Variants in TTN observed in about 807,000 individuals in gnomAD.
TTN encodes titin.
TTN carries 1,525 observed loss-of-function variants against 3,223.0 expected under a neutral mutation model. That is an observed-to-expected ratio of 0.47 (90% confidence interval 0.45 to 0.49). TTN has a LOEUF of 0.49. TTN is among the 20% of genes least tolerant of loss of function. The probability of loss-of-function intolerance (pLI) is 0.00; values close to 1 mark genes in which losing one functional copy is unlikely to be tolerated. For synonymous variants in TTN, 14,094 were observed against 15,161.0 expected, an observed-to-expected ratio of 0.93 and a Z score of 5.17; for missense variants, 40,786 against 43,424.0, an observed-to-expected ratio of 0.94 and a Z score of 5.40.
rs1431006105 is a variant in TTN at position 178,551,255 on chromosome 2, G to T, written c.91276C>A (p.Pro30426Thr). ...ACATCAATGTAGTCAGGAGTGCCAG[G>T]TGGGTCTAAAAAATTATAAGGAAGG... ...FTLAVSPVDP[P>T]GTPDYIDVTR... The change falls in exon 336 of 363, where the codon CCT becomes ACT. Residue 30426 changes from proline (P) to threonine (T), a missense_variant. Coordinates refer to ENST00000589042, the MANE Select transcript of TTN (RefSeq NM_001267550.2). 1.9e-6 allele frequency: 3 copies of T among 1,608,478 alleles called. No individual in the cohort carries two copies. Among genetic ancestry groups the T allele is most frequent in the Non-Finnish European group, 2.5e-6 (3 of 1,178,542 alleles).
chr2:178,775,849 T>C lies in TTN; in HGVS notation c.6015A>G (p.Thr2005=). ...EELRSKFKRR[T]EEGYYEAITA... is the part of the protein sequence containing the mutation. ...TAATGGCTTCATAATAGCCCTCTTC[T>C]GTTCTGCGCTTGAATTTACTGCGCA... The change falls in exon 28 of 363, where the codon ACA becomes ACG. Residue 2005 remains threonine, a synonymous_variant. Coordinates refer to ENST00000589042, the MANE Select transcript of TTN (RefSeq NM_001267550.2). 6.2e-7 allele frequency: 1 copy of C among 1,614,154 alleles called. No individual in the cohort carries two copies. The highest frequency in any genetic ancestry group is 1.7e-5 in the Admixed American group (1 of 60,012).
At position 178,607,066 on chromosome 2, in the gene TTN, C is replaced by T. The variant is rs1559733949; in HGVS notation, c.53536G>A (p.Gly17846Ser). Residue 17846 changes from glycine (G) to serine (S), a missense_variant, in exon 278 of 363, where the codon GGC becomes AGC. Physicochemically the swap from Gly to Ser is moderately conservative, Grantham distance 56. Coordinates refer to ENST00000589042, the MANE Select transcript of TTN (RefSeq NM_001267550.2). ...ATTGGTCCTATTTCAACAGGAGGGC[C>T]ACAGCCAAACTTGTTCTTGGCAATA... ...RVIAKNKFGC[G>S]PPVEIGPILA... The T allele has an allele frequency of 6.2e-7, 1 of 1,611,876 alleles. No individual in the cohort carries two copies. The highest frequency in any genetic ancestry group is 1.3e-5 in the African/African-American group (1 of 74,896).
At chr2:178,645,112 T>C (rs934364058) in intron 217 of TTN, 1 of 152,156 alleles carries the variant, frequency 6.6e-6, no homozygotes, top group Non-Finnish European at 1.5e-5. Flanking sequence ...TAGATAATTT[T>C]AGATTGGGGA....
Position 178,593,299 on chromosome 2 carries a change from T to A in TTN, c.58909A>T (p.Thr19637Ser), listed in dbSNP as rs780393880. The A allele has an allele frequency of 4.3e-6, 7 of 1,613,314 alleles. No homozygotes were observed. The Admixed American group carries it at 1.2e-4, about 27-fold the overall frequency. Reference sequence around the variant, plus strand: ...AGAAGATCAGGAACCCTAAATTTAGTGTATGGATGAATAGGATCTTTGGTA... The same window carrying A: ...AGAAGATCAGGAACCCTAAATTTAGAGTATGGATGAATAGGATCTTTGGTA... ...RVTKDPIHPY[T>S]KFRVPDLLEG... Residue 19637 changes from threonine to serine, a missense_variant, in exon 299 of 363, where the codon ACT becomes TCT. Transcript: ENST00000589042.
rs397517777 is a variant in TTN, at chr2:178,804,538, A to G, written c.91+14T>C. Reference sequence around the variant, plus strand: ...AAAGGAAAAAAAAACAAAAGTGTGAATGTGTGAGCTTACCACTAATGTGAG... The same window carrying G: ...AAAGGAAAAAAAAACAAAAGTGTGAGTGTGTGAGCTTACCACTAATGTGAG... On this transcript the variant is annotated intron_variant, in intron 2 of 362. Coordinates refer to ENST00000589042, the MANE Select transcript of TTN (RefSeq NM_001267550.2). 1.6e-5 allele frequency: 26 copies of G among 1,613,392 alleles called. No individual in the cohort carries two copies. The highest frequency in any genetic ancestry group is 1.7e-5 in the Admixed American group (1 of 59,976).
intron 218 of TTN, among the ~76,000 whole-genome samples, chr2:178,642,621 T>C (rs962914705): frequency 1.3e-5 from 2 of 151,998 alleles, no homozygotes; most frequent in African/African-American, 4.8e-5. Context: ...TACAGGGTTC[T>C]TGACAGCATC....
At position 178,552,019 on chromosome 2, in the gene TTN, T is replaced by G; in HGVS notation, c.90881A>C (p.Glu30294Ala). ...TTCTGCTCTCACTCTAAACTGGTAC[T>G]CAGCATCTTTGACTAGATTAGGAAC... The part of the protein sequence containing the change: ...FKVPNLVKDA[E>A]YQFRVRAENR... Residue 30294 changes from glutamate (E) to alanine (A), a missense_variant, in exon 335 of 363, where the codon GAG (glutamate) becomes GCG (alanine). Coordinates refer to ENST00000589042, the MANE Select transcript of TTN (RefSeq NM_001267550.2). 1 of 1,613,222 alleles carries G rather than the reference T, an allele frequency of 6.2e-7. No homozygotes were observed. Among genetic ancestry groups the G allele is most frequent in the Non-Finnish European group, 8.5e-7 (1 of 1,179,376 alleles).
Position 178,594,141 on chromosome 2 carries a change from C to G in TTN, c.58252G>C (p.Val19418Leu). The G allele has an allele frequency of 6.2e-7, 1 of 1,613,372 alleles. No homozygotes were observed. Among genetic ancestry groups the G allele is most frequent in the Non-Finnish European group, 8.5e-7 (1 of 1,179,618 alleles). Residue 19418 changes from valine to leucine, a missense_variant, in exon 297 of 363, where the codon GTT becomes CTT. Coordinates refer to ENST00000589042, the MANE Select transcript of TTN (RefSeq NM_001267550.2). ...GRYSGKPKPKVSWFKDEADVL... is the reference protein window; with the variant it reads ...GRYSGKPKPKLSWFKDEADVL... ...TCAGCTTCATCTTTGAACCAGGAAA[C>G]CTTAGGCTTTGGTTTGCCTGAGTAA...
rs768030432 is a variant in TTN, at chr2:178,578,214, A to G, written c.68330-29T>C. ...CAAAAGACCCAGGGATGTATCAAGT[A>G]TAAATGCAGCTTGATTTTACAATAT... On this transcript the variant is annotated intron_variant, in intron 321 of 362. Coordinates refer to ENST00000589042, the MANE Select transcript of TTN (RefSeq NM_001267550.2). 7.0e-6 allele frequency: 11 copies of G among 1,579,622 alleles called. 1 individual carries two copies. In the South Asian group the frequency reaches 1.1e-4, roughly 16 times the overall value.
In TTN at chr2:178,702,492, T is replaced by A; in HGVS notation, c.30395A>T (p.His10132Leu). The change falls in exon 107 of 363, where the codon CAT becomes CTT. Residue 10132 changes from histidine to leucine, a missense_variant. By Grantham distance (99) the His-to-Leu change is moderately conservative (BLOSUM62 -3). Transcript: ENST00000589042. ...GGTCACATTGTGGATGGTCATATAA[T>A]GGCAGCGGCCATCATTCCTGAAGTT... ...KYNFRNDGRC[H>L]YMTIHNVTPD... The A allele has an allele frequency of 3.1e-6, 5 of 1,613,994 alleles. No homozygotes were observed. The highest frequency in any genetic ancestry group is 4.2e-6 in the Non-Finnish European group (5 of 1,179,878).
At position 178,634,899 on chromosome 2, in the gene TTN, A is replaced by T; in HGVS notation, c.42025-50T>A. ...CATTTGAAAGAGATAAATTCCCTAT[A>T]GGAGAAGTGTTTCAGATACAAATTT... is the stretch of plus-strand genomic sequence containing the variant. On this transcript the variant is annotated intron_variant, in intron 228 of 362. Transcript: ENST00000589042. This position sits in a 1 kb window ranked among gnomAD's most constrained non-coding sequence, Gnocchi z 4.6. 1.3e-6 allele frequency: 2 copies of T among 1,564,314 alleles called. No homozygotes were observed. Among genetic ancestry groups the T allele is most frequent in the Non-Finnish European group, 1.7e-6 (2 of 1,161,998 alleles).
chr2:178,590,194 T>C lies in TTN; in HGVS notation c.61531A>G (p.Thr20511Ala). 6.2e-7 allele frequency: 1 copy of C among 1,609,928 alleles called. No individual in the cohort carries two copies. The highest frequency in any genetic ancestry group is 8.5e-7 in the Non-Finnish European group (1 of 1,178,006). ...KGRPEPDITWTKEGKVLVREK... is the reference protein window; with the variant it reads ...KGRPEPDITWAKEGKVLVREK... ...CGGACCAATACTTTGCCTTCCTTAG[T>C]CCAAGTTATGTCTGGTTCAGGTCTG... Residue 20511 changes from threonine to alanine, a missense_variant, in exon 304 of 363, where the codon ACT becomes GCT. Physicochemically the swap from Thr to Ala is moderately conservative, Grantham distance 58. Transcript: ENST00000589042.
chr2:178,674,382 A>G lies in TTN; in HGVS notation c.34640T>C (p.Ile11547Thr). 1 of 1,591,560 alleles carries G rather than the reference A, an allele frequency of 6.3e-7. No individual in the cohort carries two copies. Among genetic ancestry groups the G allele is most frequent in the Non-Finnish European group, 8.6e-7 (1 of 1,166,620 alleles). The change falls in exon 151 of 363, where the codon ATT (isoleucine) becomes ACT (threonine). Residue 11547 changes from isoleucine (I) to threonine (T), a missense_variant. By Grantham distance (89) the Ile-to-Thr change is moderately conservative (BLOSUM62 -1). Transcript: ENST00000589042. ...EVTEEPEEEPISEEEIPEEPP... is the reference protein window; with the variant it reads ...EVTEEPEEEPTSEEEIPEEPP... ...TTCTTCTGGGATTTCTTCTTCTGAAATAGGCTCTTCTTCAGGCTCCTCAGT... is the reference window on the plus strand; with the variant it reads ...TTCTTCTGGGATTTCTTCTTCTGAAGTAGGCTCTTCTTCAGGCTCCTCAGT...
Position 178,790,835 on chromosome 2 carries a change from T to C in TTN, c.1673A>G (p.Glu558Gly), listed in dbSNP as rs2093449777. ...CATGGATGCAGCAGTTATCTCAGTT[T>C]CCTGTCTTATCTGATGTTTAGAGTA... is the stretch of plus-strand genomic sequence containing the variant. ...KQVTQEAIRQ[E>G]TEITAASMVV... The change falls in exon 11 of 363, where the codon GAA becomes GGA. Residue 558 changes from glutamate (E) to glycine (G), a missense_variant. Physicochemically the swap from Glu to Gly is moderately conservative, Grantham distance 98 (BLOSUM62 -2). Coordinates refer to ENST00000589042, the MANE Select transcript of TTN (RefSeq NM_001267550.2). 1.2e-6 allele frequency: 2 copies of C among 1,614,136 alleles called. No individual in the cohort carries two copies. The highest frequency in any genetic ancestry group is 2.2e-5 in the East Asian group (1 of 44,870).
chr2:178,604,425 C>G, intron 281 of TTN, 120 bp from the exon 282 acceptor site: 2 of 863,612 alleles, frequency 2.3e-6, no homozygotes, highest in Non-Finnish European at 3.2e-6. Context: ...TATATAGACT[C>G]AAAACATGGG....
intron 243 of TTN, among the ~76,000 whole-genome samples, chr2:178,622,303 G>A (rs924775128): frequency 7.2e-5 from 11 of 151,890 alleles, no homozygotes; most frequent in African/African-American, 2.4e-4. Flanking sequence ...TCTTGGATGT[G>A]TAAACTAAGG....
rs1250827722 is a variant in TTN, at chr2:178,541,577, A to G, written c.97500T>C (p.Pro32500=). Residue 32500 remains proline (P), a synonymous_variant, in exon 350 of 363, where the codon CCT becomes CCC. Coordinates refer to ENST00000589042, the MANE Select transcript of TTN (RefSeq NM_001267550.2). ...VIECRSSIRI[P]GPPETLQIFD... is the part of the protein sequence containing the mutation. Reference sequence around the variant, plus strand: ...ATATCTGTAATGTTTCTGGGGGTCCAGGAATACCTGCAGCAAGACAGAGGT... The same window carrying G: ...ATATCTGTAATGTTTCTGGGGGTCCGGGAATACCTGCAGCAAGACAGAGGT... 6.2e-7 allele frequency: 1 copy of G among 1,606,334 alleles called. No homozygotes were observed. Among genetic ancestry groups the G allele is most frequent in the Non-Finnish European group, 8.5e-7 (1 of 1,175,266 alleles).
At chr2:178,635,884 A>G (rs1012142421) in intron 226 of TTN, 79 bp downstream of exon 226, 1 of 1,528,718 alleles carries the variant, frequency 6.5e-7, no homozygotes, top group Non-Finnish European at 8.8e-7. Context: ...TGATATTGTA[A>G]TACTGGGAAA....
chr2:178,719,119 G>C, intron 83 of TTN, 45 bp downstream of exon 83: 1 of 1,573,990 alleles, frequency 6.4e-7, no homozygotes, highest in Non-Finnish European at 8.6e-7. Flanking sequence ...ACGTCCACAT[G>C]AAAGAGGTGT....
Sources: gnomAD v4.1 joint callset for allele counts (sites outside exome capture counted in the v4.1 genomes callset) on GRCh38, gnomAD v4.1.1 for gene constraint, Gnocchi (gnomAD v3.1) non-coding constraint, MANE v1.5 for transcripts, NCBI Gene and HGNC (gene_info 2026-07-23, HGNC 2026-07-21) for gene names.